Variants in FBN3 observed in about 807,000 individuals in gnomAD.
FBN3 encodes the protein fibrillin 3, also known as fibrillin-3.
FBN3 carries 234 observed loss-of-function variants against 330.1 expected under a neutral mutation model. The observed-to-expected ratio is 0.71, with a 90% CI of 0.64 to 0.79. The LOEUF is 0.79. FBN3 is among the 30% of genes least tolerant of loss of function. The pLI, the probability that FBN3 is intolerant of heterozygous loss-of-function variation, is 0.00. For missense variants in FBN3, 3,606 were observed against 3,886.9 expected (o/e 0.93, Z 1.92); for synonymous variants, 1,458 against 1,517.3 (o/e 0.96, Z 0.91).
rs1251893784 is a variant in FBN3, at chr19:8,145,883, A to G, written c.405T>C (p.Cys135=). 6.4e-7 allele frequency: 1 copy of G among 1,551,234 alleles called. No individual in the cohort carries two copies. The highest frequency in any genetic ancestry group is 1.4e-5 in the African/African-American group (1 of 73,114). The part of the protein sequence containing the change: ...MNGGTCRGAS[C]LCQKGYTGTV... Reference sequence around the variant, plus strand: ...TGCCTGTGTAGCCCTTCTGACACAGACAGGACGCCCCCCGGCAGGTGCCCC... The same window carrying G: ...TGCCTGTGTAGCCCTTCTGACACAGGCAGGACGCCCCCCGGCAGGTGCCCC... The change falls in exon 5 of 64, where the codon TGT becomes TGC. Residue 135 remains cysteine, a synonymous_variant. Coordinates refer to ENST00000600128, the MANE Select transcript of FBN3 (RefSeq NM_032447.5).
intron 13 of FBN3, 122 bp from the exon 14 acceptor site, chr19:8,133,228 C>T: frequency 1.6e-6 from 2 of 1,217,076 alleles, no homozygotes; most frequent in South Asian, 3.5e-5. Context: ...GGCAAACAAG[C>T]TGTGGTTGTC....
At position 8,131,499 on chromosome 19, in the gene FBN3, C is replaced by G. The variant is rs112401378; in HGVS notation, c.1990+55G>C. 2,863 of 1,555,796 alleles carry G rather than the reference C, an allele frequency of 1.8e-3. 37 individuals carry two copies. In the African/African-American group the frequency reaches 0.032, roughly 18 times the overall value. ...ATGACCCCCCACCAGAAGCGAGAAC[C>G]GATGGAGGCATTCAGACCAAGGAGG... On this transcript the variant is annotated intron_variant, in intron 15 of 63. Coordinates refer to ENST00000600128, the MANE Select transcript of FBN3 (RefSeq NM_032447.5). This position sits in a 1 kb window ranked among gnomAD's most constrained non-coding sequence, Gnocchi z 4.5.
intron 24 of FBN3, among the ~76,000 whole-genome samples, chr19:8,122,387 G>A (rs1228847918): frequency 6.6e-6 from 1 of 151,988 alleles, no homozygotes; most frequent in Non-Finnish European, 1.5e-5. Context: ...TTATATTTGA[G>A]ACACAGTCTC....
rs1322810230 is a variant in FBN3 at position 8,077,467 on chromosome 19, C to A, written c.7454-2056G>T. Among the ~76,000 whole-genome samples the A allele has an allele frequency of 4.0e-5, 6 of 151,876 alleles. No individual in the cohort carries two copies. In the East Asian group the frequency reaches 1.2e-3, roughly 30 times the overall value. On this transcript the variant is annotated intron_variant, in intron 59 of 63. Transcript: ENST00000600128. The stretch of plus-strand genomic sequence containing the variant: ...CAGCCTGACCAGCATAGTGAAACCC[C>A]ATCTCTACTAAAAATACAAAAATTA...
rs367873616 is a variant in FBN3, at chr19:8,101,023, C to T, written c.5090-51G>A. On this transcript the variant is annotated intron_variant, in intron 40 of 63. Coordinates refer to ENST00000600128, the MANE Select transcript of FBN3 (RefSeq NM_032447.5). ...TCTGGGGCTGCAGGCCTGACCCCAG[C>T]CCGCTCCCAATCTGGAGGGGACACC... is the stretch of plus-strand genomic sequence containing the variant. 3.9e-4 allele frequency: 588 copies of T among 1,494,660 alleles called. 2 individuals are homozygous for T. The African/African-American group carries it at 7.0e-3, about 18-fold the overall frequency. 92.6% of individuals were successfully genotyped at this position (1,494,660 alleles called of 1,614,324 possible).
chr19:8,146,052 C>A (rs1455124337), intron 4 of FBN3, 75 bp downstream of exon 4: 4 of 1,506,588 alleles, frequency 2.7e-6, no homozygotes, highest in Non-Finnish European at 3.6e-6. Context: ...TCAACAAAAG[C>A]AGCCCAGGCT....
intron 41 of FBN3, among the ~76,000 whole-genome samples, chr19:8,097,724 C>T (rs1342149802): frequency 6.6e-6 from 1 of 152,178 alleles, no homozygotes; most frequent in Non-Finnish European, 1.5e-5. Context: ...GTATGAGATG[C>T]TATTTAGCAA....
At chr19:8,106,657 ATGAG>A (rs2082444315) in intron 37 of FBN3, among the ~76,000 whole-genome samples, 1 of 152,080 alleles carries the variant, frequency 6.6e-6, no homozygotes, top group South Asian at 2.1e-4. Context: ...GAATAAGATG[ATGAG>A]TGAGTGGATG....
At chr19:8,116,644 C>A in intron 29 of FBN3, 30 bp downstream of exon 29, 2 of 1,592,610 alleles carry the variant, frequency 1.3e-6, no homozygotes, top group South Asian at 1.1e-5. Flanking sequence ...CCTCCTCCAC[C>A]CGCCCCGCCC....
At chr19:8,103,763 C>T in intron 38 of FBN3, 76 bp from the exon 39 acceptor site, 2 of 1,437,978 alleles carry the variant, frequency 1.4e-6, no homozygotes, top group Non-Finnish European at 1.9e-6. Flanking sequence ...CTCCAGAGAC[C>T]CAGCAAGGCC....
Position 8,065,648 on chromosome 19 carries a change from G to T in FBN3, c.*271C>A. 2.1e-6 allele frequency: 1 copy of T among 477,740 alleles called. No homozygotes were observed. Among genetic ancestry groups the T allele is most frequent in the Non-Finnish European group, 3.7e-6 (1 of 271,690 alleles). The allele number at this position is 477,740 out of a possible 1,614,324, so 29.6% of individuals were successfully genotyped here. ...AGATTGGCCAGACACGGTGACCACA[G>T]GGCCTCTTCCTGACCTTGGCTGTGG... is the stretch of plus-strand genomic sequence containing the variant. On this transcript the variant is annotated 3_prime_UTR_variant, in exon 64 of 64. Coordinates refer to ENST00000600128, the MANE Select transcript of FBN3 (RefSeq NM_032447.5).
intron 37 of FBN3, among the ~76,000 whole-genome samples, chr19:8,106,896 GGATA>G (rs1480131140): frequency 6.6e-6 from 1 of 151,482 alleles, no homozygotes; most frequent in Non-Finnish European, 1.5e-5. Context: ...GGTGAATGGG[GGATA>G]GATGGATGGG....
rs546017416 is a variant in FBN3, at chr19:8,080,250, G to A, written c.7453+753C>T. 1.4e-3 allele frequency among the ~76,000 whole-genome samples: 218 copies of A among 152,364 alleles called. 2 individuals carry two copies. Among genetic ancestry groups the A allele is most frequent in the African/African-American group, 4.9e-3 (203 of 41,582 alleles). On this transcript the variant is annotated intron_variant, in intron 59 of 63. Coordinates refer to ENST00000600128, the MANE Select transcript of FBN3 (RefSeq NM_032447.5). ...TAGGTGCTGTCTGGGCAGATTAGTGGGCGCGTGAAAGGGGCCACCCTTGAC... is the reference window on the plus strand; with the variant it reads ...TAGGTGCTGTCTGGGCAGATTAGTGAGCGCGTGAAAGGGGCCACCCTTGAC...
chr19:8,087,220 G>A lies in FBN3; in HGVS notation c.6620-9C>T. 7 of 1,575,730 alleles carry A rather than the reference G, an allele frequency of 4.4e-6. No homozygotes were observed. The highest frequency in any genetic ancestry group is 1.9e-4 in the Middle Eastern group (1 of 5,184). On this transcript the variant is annotated splice_polypyrimidine_tract_variant and intron_variant, in intron 53 of 63. Transcript: ENST00000600128. ...TGCACACTCGTCCACATCTTCGGAT[G>A]ACCAGAGACAGATGGTCAGTCAAGG...
At chr19:8,084,824 G>C (rs1412952382) in intron 56 of FBN3, among the ~76,000 whole-genome samples, 4 of 151,882 alleles carry the variant, frequency 2.6e-5, no homozygotes. Flanking sequence ...CTGACCTCAG[G>C]TGATCCGGCC....
At chr19:8,107,551 G>A (rs533391935) in intron 37 of FBN3, among the ~76,000 whole-genome samples, 14 of 150,896 alleles carry the variant, frequency 9.3e-5, no homozygotes, top group African/African-American at 2.9e-4. Context: ...ATGGATGGTC[G>A]GGTGGAAGGA....
At position 8,126,503 on chromosome 19, in the gene FBN3, G is replaced by C. The variant is rs2082989744; in HGVS notation, c.2519C>G (p.Ala840Gly). ...GCGTTCGCAGGGGCTCCCCCAGGCTGCCCCGAGGGTGGCGCAGCACTCAGA... is the reference window on the plus strand; with the variant it reads ...GCGTTCGCAGGGGCTCCCCCAGGCTCCCCCGAGGGTGGCGCAGCACTCAGA... ...LRSECCATLG[A>G]AWGSPCERCE... is the part of the protein sequence containing the mutation. Residue 840 changes from alanine (A) to glycine (G), a missense_variant, in exon 20 of 64, where the codon GCA (alanine) becomes GGA (glycine). Physicochemically the swap from Ala to Gly is moderately conservative, Grantham distance 60. Coordinates refer to ENST00000600128, the MANE Select transcript of FBN3 (RefSeq NM_032447.5). The C allele has an allele frequency of 6.2e-7, 1 of 1,613,130 alleles. No homozygotes were observed. The highest frequency in any genetic ancestry group is 8.5e-7 in the Non-Finnish European group (1 of 1,179,796).
rs1301851741 is a variant in FBN3 at position 8,110,923 on chromosome 19, A to G, written c.4255T>C (p.Cys1419Arg). The change falls in exon 34 of 64, where the codon TGT becomes CGT. Residue 1419 changes from cysteine to arginine, a missense_variant. Transcript: ENST00000600128. ...AQGNLCAFGS[C>R]ENLPGMFRCI... ...CGGAACATTCCAGGCAGGTTCTCACAGCTCCCAAATGCACAGAGGTTCCCT... is the reference window on the plus strand; with the variant it reads ...CGGAACATTCCAGGCAGGTTCTCACGGCTCCCAAATGCACAGAGGTTCCCT... 1.2e-6 allele frequency: 2 copies of G among 1,614,220 alleles called. No individual in the cohort carries two copies. The highest frequency in any genetic ancestry group is 8.5e-7 in the Non-Finnish European group (1 of 1,180,032).
intron 8 of FBN3, 131 bp downstream of exon 8, chr19:8,141,586 C>G: frequency 9.6e-7 from 1 of 1,036,340 alleles, no homozygotes; most frequent in South Asian, 1.6e-5. Context: ...TTCACATCTA[C>G]ATAAACAGGG....
Sources: allele counts gnomAD v4.1 joint callset (sites outside exome capture counted in the v4.1 genomes callset), GRCh38; gene constraint gnomAD v4.1.1; non-coding constraint Gnocchi (gnomAD v3.1); transcripts MANE v1.5; gene names NCBI Gene and HGNC (gene_info 2026-07-23, HGNC 2026-07-21).